Variants in PLXNC1 observed in about 807,000 individuals in gnomAD.
PLXNC1 encodes the protein plexin C1, also known as plexin-C1.
PLXNC1 carries 75 observed loss-of-function variants against 178.2 expected under a neutral mutation model. That is an observed-to-expected ratio of 0.42 (90% CI 0.35 to 0.51). The LOEUF (loss-of-function observed/expected upper bound fraction) is 0.51, where lower values mean the gene tolerates loss of function less well. Ranked by LOEUF, PLXNC1 falls within the 20% of genes least tolerant of loss-of-function variation. The pLI is 0.02. For synonymous variants in PLXNC1, 790 were observed against 779.9 expected (o/e 1.01, Z -0.22); for missense variants, 1,503 against 1,984.4 (o/e 0.76, Z 4.61).
chr12:94,293,312 A>T (rs1398278095), intron 23 of PLXNC1, among the ~76,000 whole-genome samples: 1 of 152,230 alleles, frequency 6.6e-6, no homozygotes, highest in Non-Finnish European at 1.5e-5. Flanking sequence ...CTGTGGACTA[A>T]GGACCTACAT....
intron 12 of PLXNC1, among the ~76,000 whole-genome samples, chr12:94,246,370 C>T (rs832518): frequency 6.6e-6 from 1 of 152,034 alleles, no homozygotes; most frequent in South Asian, 2.1e-4. Flanking sequence ...GCTGGGGCAT[C>T]GTGAAGCTAG....
intron 4 of PLXNC1, among the ~76,000 whole-genome samples, chr12:94,197,049 C>T (rs1962941431): frequency 6.6e-6 from 1 of 152,180 alleles, no homozygotes; most frequent in Non-Finnish European, 1.5e-5. Context: ...TTGCCTTTTC[C>T]AGCTTTTGGA....
Position 94,297,203 on chromosome 12 carries a change from G to A in PLXNC1, c.3949G>A (p.Asp1317Asn). 1 of 1,614,008 alleles carries A rather than the reference G, an allele frequency of 6.2e-7. No individual in the cohort carries two copies. The highest frequency in any genetic ancestry group is 2.2e-5 in the East Asian group (1 of 44,882). The change falls in exon 25 of 31, where the codon GAT (aspartate) becomes AAT (asparagine). Residue 1317 changes from aspartate (D) to asparagine (N), a missense_variant. Physicochemically the swap from Asp to Asn is conservative, Grantham distance 23. Around this residue, in one of 4 missense-constraint regions of PLXNC1, gnomAD observed 639 missense variants for 979.7 expected, o/e 0.65. Coordinates refer to ENST00000258526, the MANE Select transcript of PLXNC1 (RefSeq NM_005761.3). Reference sequence around the variant, plus strand: ...CTGGCATTCAGATGTGGAGTACTCGGATGACCACTGCCATTTGGTGAGTTC... The same window carrying A: ...CTGGCATTCAGATGTGGAGTACTCGAATGACCACTGCCATTTGGTGAGTTC... ...ANFTSDVEYS[D>N]DHCHLILPDS...
chr12:94,149,491 C>A lies in PLXNC1; in HGVS notation c.520C>A (p.Arg174Ser), dbSNP rs1960862738. The change falls in exon 1 of 31, where the codon CGC (arginine) becomes AGC (serine). Residue 174 changes from arginine to serine, a missense_variant. Physicochemically the swap from Arg to Ser is moderately radical, Grantham distance 110 (BLOSUM62 -1). This residue lies in a region of PLXNC1 where 73 missense variants were observed against 125.4 expected (regional missense o/e 0.58). Coordinates refer to ENST00000258526, the MANE Select transcript of PLXNC1 (RefSeq NM_005761.3). ...GGTGTACCGCGCGGGCCGGAACAAC[C>A]GCTGGTACCTGGCGGTGGCCGCCAC... ...GVVYRAGRNN[R>S]WYLAVAATYV... 2 of 1,528,860 alleles carry A rather than the reference C, an allele frequency of 1.3e-6. No homozygotes were observed. Among genetic ancestry groups the A allele is most frequent in the South Asian group, 1.2e-5 (1 of 82,950 alleles). 94.7% of individuals were successfully genotyped at this position (1,528,860 alleles called of 1,614,324 possible).
intron 3 of PLXNC1, among the ~76,000 whole-genome samples, chr12:94,182,639 C>T (rs1962352310): frequency 2.0e-5 from 3 of 151,274 alleles, no homozygotes; most frequent in Admixed American, 2.0e-4. Flanking sequence ...GAACAAGAAT[C>T]GCTTGAAACC....
chr12:94,278,045 C>T lies in PLXNC1; in HGVS notation c.3598-1427C>T, dbSNP rs545426639. The T allele has an allele frequency of 1.6e-3, 731 of 456,062 alleles. 5 individuals are homozygous for T. The highest frequency in any genetic ancestry group is 2.3e-3 in the South Asian group (146 of 64,564). 28.3% of individuals were successfully genotyped at this position (456,062 alleles called of 1,614,324 possible). A position where few individuals can be genotyped will look rare whatever the true frequency, so the allele number is the denominator to read the frequency against. ...CACAGTACTTGGGGACCTCCTCTTT[C>T]GGCTTTGGAGCCCCCCCTCCCTCTG... On this transcript the variant is annotated intron_variant, in intron 21 of 30. Coordinates refer to ENST00000258526, the MANE Select transcript of PLXNC1 (RefSeq NM_005761.3).
intron 9 of PLXNC1, among the ~76,000 whole-genome samples, chr12:94,228,406 T>C (rs1405202399): frequency 6.6e-6 from 1 of 151,430 alleles, no homozygotes; most frequent in East Asian, 1.9e-4. Context: ...TTGTTTGTTT[T>C]TTCGTTTTGA....
In PLXNC1 at chr12:94,260,073, G is replaced by A. The variant is rs918771476; in HGVS notation, c.3251+339G>A. Among the ~76,000 whole-genome samples, 2 of 152,022 alleles carry A rather than the reference G, an allele frequency of 1.3e-5. No homozygotes were observed. The highest frequency in any genetic ancestry group is 4.8e-5 in the African/African-American group (2 of 41,400). ...ACCACCCCAACACAATTTTTTTGTT[G>A]TTGTTGTTGGAGTCTCACTCTGTGG... is the stretch of plus-strand genomic sequence containing the variant. On this transcript the variant is annotated intron_variant, in intron 19 of 30. Transcript: ENST00000258526. The surrounding 1 kb of genome is among the most constrained non-coding windows in gnomAD (Gnocchi z 4.4).
intron 1 of PLXNC1, among the ~76,000 whole-genome samples, chr12:94,165,578 C>A (rs1373046931): frequency 1.3e-5 from 2 of 152,134 alleles, no homozygotes; most frequent in Non-Finnish European, 2.9e-5. Context: ...GGAAGAACTG[C>A]AGTTTAGTGT....
intron 1 of PLXNC1, among the ~76,000 whole-genome samples, chr12:94,168,543 C>T (rs751753041): frequency 5.3e-5 from 8 of 152,214 alleles, no homozygotes; most frequent in South Asian, 2.1e-4. Context: ...CCAGGGCCAG[C>T]CCTTCAACTT....
chr12:94,216,602 T>C (rs955757201), intron 5 of PLXNC1, among the ~76,000 whole-genome samples: 1 of 152,242 alleles, frequency 6.6e-6, no homozygotes, highest in African/African-American at 2.4e-5. Flanking sequence ...ATATATTCAT[T>C]CCGTTTGAAG....
intron 21 of PLXNC1, among the ~76,000 whole-genome samples, chr12:94,267,299 T>C (rs1291116429): frequency 3.3e-5 from 5 of 152,174 alleles, no homozygotes; most frequent in Admixed American, 2.6e-4. Context: ...TTTTGAGGTT[T>C]TGAAGCCTTT....
chr12:94,178,835 G>A (rs552086754), intron 2 of PLXNC1, among the ~76,000 whole-genome samples: 53 of 152,258 alleles, frequency 3.5e-4, no homozygotes, highest in Admixed American at 1.2e-3. Context: ...CTATAAAGTC[G>A]TTTTAAAATG....
At chr12:94,254,929 A>G (rs1964799049) in intron 16 of PLXNC1, 41 bp downstream of exon 16, 3 of 1,452,702 alleles carry the variant, frequency 2.1e-6, no homozygotes, top group African/African-American at 1.4e-5. Context: ...CAAGCCTTTT[A>G]TATTTATACT....
intron 1 of PLXNC1, among the ~76,000 whole-genome samples, chr12:94,156,042 C>T (rs1181611954): frequency 6.6e-6 from 1 of 152,170 alleles, no homozygotes; most frequent in Admixed American, 6.5e-5. Context: ...TACCAGTTAC[C>T]AGTTGTGGGA....
chr12:94,277,856 T>C (rs1281299529), intron 21 of PLXNC1: 1 of 441,024 alleles, frequency 2.3e-6, no homozygotes, highest in Admixed American at 2.4e-5. Flanking sequence ...TTAATCTCCC[T>C]AACAATGCTA....
chr12:94,268,255 C>T (rs1210339014), intron 21 of PLXNC1, among the ~76,000 whole-genome samples: 1 of 152,200 alleles, frequency 6.6e-6, no homozygotes, highest in Non-Finnish European at 1.5e-5. Context: ...ATAAAGGCAT[C>T]TTGCCAATTT....
chr12:94,245,357 C>T (rs187062853), intron 12 of PLXNC1, among the ~76,000 whole-genome samples: 1 of 152,292 alleles, frequency 6.6e-6, no homozygotes, highest in East Asian at 1.9e-4. Flanking sequence ...ATATTGCCTT[C>T]ATGGAGGCAG....
intron 1 of PLXNC1, among the ~76,000 whole-genome samples, chr12:94,158,891 G>A (rs1360373132): frequency 6.6e-6 from 1 of 152,198 alleles, no homozygotes; most frequent in African/African-American, 2.4e-5. Context: ...CCCCATCCGG[G>A]CCTGTCCCTG....
Sources: allele counts gnomAD v4.1 joint callset (sites outside exome capture counted in the v4.1 genomes callset), GRCh38; gene constraint gnomAD v4.1.1; regional missense constraint gnomAD v4.1.1; non-coding constraint Gnocchi (gnomAD v3.1); transcripts MANE v1.5; gene names NCBI Gene and HGNC (gene_info 2026-07-23, HGNC 2026-07-21).